The following CSRP3 variants were observed in gnomAD, a reference collection of about 807,000 sequenced individuals.
The protein encoded by CSRP3 is cysteine and glycine-rich protein 3.
A neutral mutation model predicts 24.3 loss-of-function variants in CSRP3; 24 were observed. The observed-to-expected ratio is 0.99, with a 90% CI of 0.71 to 1.39. CSRP3 has a LOEUF of 1.39. CSRP3 is among the 40% of genes most tolerant of loss of function. The pLI, the probability that CSRP3 is intolerant of heterozygous loss-of-function variation, is 0.00. For missense variants in CSRP3, 240 were observed against 249.0 expected (o/e 0.96, Z 0.24); for synonymous variants, 105 against 94.0 (o/e 1.12, Z -0.68).
chr11:19,194,195 A>C (rs1454609592), intron 1 of CSRP3, among the ~76,000 whole-genome samples: 1 of 152,212 alleles, frequency 6.6e-6, no homozygotes, highest in Non-Finnish European at 1.5e-5. Context: ...TAAGAAACAG[A>C]AAGTAAATAG....
At chr11:19,194,007 C>G (rs1014540041) in intron 1 of CSRP3, among the ~76,000 whole-genome samples, 1 of 152,106 alleles carries the variant, frequency 6.6e-6, no homozygotes, top group Non-Finnish European at 1.5e-5. Flanking sequence ...TCTAAGAAGC[C>G]TAGTGTGTCA....
intron 1 of CSRP3, among the ~76,000 whole-genome samples, 161 bp from the exon 2 acceptor site, chr11:19,192,637 A>G (rs1565053266): frequency 6.6e-6 from 1 of 152,202 alleles, no homozygotes; most frequent in African/African-American, 2.4e-5. Flanking sequence ...TAGTCATTAA[A>G]TAAGCTCAGA....
rs1850499990 is a variant in CSRP3, at chr11:19,184,933, A to G, written c.508+19T>C. The G allele has an allele frequency of 1.3e-6, 2 of 1,576,216 alleles. No homozygotes were observed. Among genetic ancestry groups the G allele is most frequent in the East Asian group, 4.5e-5 (2 of 44,726 alleles). ...TTTTAGGGAAAACATATTTCAAGAAAGTCTCCAGAATCACTCACCTTTGCA... is the reference window on the plus strand; with the variant it reads ...TTTTAGGGAAAACATATTTCAAGAAGGTCTCCAGAATCACTCACCTTTGCA... On this transcript the variant is annotated intron_variant, in intron 5 of 5. Transcript: ENST00000265968.
chr11:19,190,992 T>C (rs1257786294), intron 2 of CSRP3, among the ~76,000 whole-genome samples: 1 of 152,214 alleles, frequency 6.6e-6, no homozygotes, highest in African/African-American at 2.4e-5. Flanking sequence ...AAAGCTTCCC[T>C]ACAATTTCCT....
chr11:19,197,529 TTC>T (rs1278115986), intron 1 of CSRP3, among the ~76,000 whole-genome samples: 1 of 131,222 alleles, frequency 7.6e-6, no homozygotes, highest in South Asian at 2.9e-4. Context: ...CTTTCTTTCT[TTC>T]TTTCTTTCTT....
At position 19,188,269 on chromosome 11, in the gene CSRP3, C is replaced by T. The variant is rs145300736; in HGVS notation, c.148G>A (p.Ala50Thr). ...CRKALDSTTVAAHESEIYCKV... is the reference protein window; with the variant it reads ...CRKALDSTTVTAHESEIYCKV... ...CAGTAGATCTCCGACTCATGAGCCG[C>T]GACTGTCGTGCTGTCAAGAGCCTTC... The change falls in exon 3 of 6, where the codon GCG becomes ACG. Residue 50 changes from alanine to threonine, a missense_variant. By Grantham distance (58) the Ala-to-Thr change is moderately conservative. Coordinates refer to ENST00000265968, the MANE Select transcript of CSRP3 (RefSeq NM_003476.5). The T allele has an allele frequency of 4.5e-5, 72 of 1,612,654 alleles. No individual in the cohort carries two copies. The highest frequency in any genetic ancestry group is 8.9e-5 in the East Asian group (4 of 44,884).
At chr11:19,188,026 A>G in intron 3 of CSRP3, 110 bp downstream of exon 3, 1 of 1,302,156 alleles carries the variant, frequency 7.7e-7, no homozygotes, top group Non-Finnish European at 1.1e-6. Flanking sequence ...TGGCAAGTCA[A>G]CAATAGAGTC....
At position 19,188,152 on chromosome 11, in the gene CSRP3, C is replaced by G; in HGVS notation, c.265G>C (p.Gly89Arg). Reference protein sequence around the residue: ...CLSTDTGEHLGLQFQQSPKPA... With the variant: ...CLSTDTGEHLRLQFQQSPKPA... ...GTAACTCACTGTTGGAACTGCAGGC[C>G]GAGATGCTCGCCCGTGTCTGTGCTG... Residue 89 changes from glycine to arginine, a missense_variant, in exon 3 of 6, where the codon GGC becomes CGC. Transcript: ENST00000265968. The G allele has an allele frequency of 6.2e-7, 1 of 1,614,120 alleles. No homozygotes were observed. The highest frequency in any genetic ancestry group is 8.5e-7 in the Non-Finnish European group (1 of 1,180,028).
intron 1 of CSRP3, among the ~76,000 whole-genome samples, chr11:19,193,928 T>C (rs1850655565): frequency 6.6e-6 from 1 of 152,248 alleles, no homozygotes; most frequent in African/African-American, 2.4e-5. Flanking sequence ...AATAAGCCAT[T>C]GATGTTAAAT....
At chr11:19,188,110 C>G (rs749831483) in intron 3 of CSRP3, 26 bp downstream of exon 3, 1 of 1,614,088 alleles carries the variant, frequency 6.2e-7, no homozygotes, top group Non-Finnish European at 8.5e-7. Context: ...CTTTAACAGG[C>G]AAGGGGGAGC....
intron 1 of CSRP3, among the ~76,000 whole-genome samples, chr11:19,196,438 A>T (rs1028842211): frequency 2.0e-5 from 3 of 152,176 alleles, no homozygotes; most frequent in Non-Finnish European, 4.4e-5. Flanking sequence ...ATTTTTTCCC[A>T]CTTCACTTTA....
Position 19,182,454 on chromosome 11 carries a change from A to T in CSRP3, c.*216T>A. The T allele has an allele frequency of 1.7e-6, 1 of 602,578 alleles. No individual in the cohort carries two copies. The highest frequency in any genetic ancestry group is 2.0e-5 in the South Asian group (1 of 49,296). The allele number at this position is 602,578 out of a possible 1,614,324, so 37.3% of individuals were successfully genotyped here. ...ATTTATTGCCTCTCCCATTCCAAGC[A>T]TTATAAATAATAAAGCATTTGTTAT... On this transcript the variant is annotated 3_prime_UTR_variant, in exon 6 of 6. Transcript: ENST00000265968.
At chr11:19,201,197 G>A (rs563467362) in intron 1 of CSRP3, among the ~76,000 whole-genome samples, 2 of 152,294 alleles carry the variant, frequency 1.3e-5, no homozygotes, top group South Asian at 4.1e-4. Context: ...CCTAACCACT[G>A]GATAAATTAT....
chr11:19,187,942 G>A (rs1220033443), intron 3 of CSRP3, among the ~76,000 whole-genome samples, 194 bp downstream of exon 3: 1 of 152,170 alleles, frequency 6.6e-6, no homozygotes, highest in Non-Finnish European at 1.5e-5. Flanking sequence ...CTTTAGAATG[G>A]CAAATAATTT....
intron 1 of CSRP3, among the ~76,000 whole-genome samples, chr11:19,198,648 A>G (rs767076732): frequency 6.6e-6 from 1 of 152,196 alleles, no homozygotes; most frequent in African/African-American, 2.4e-5. Flanking sequence ...AAGCTGCCCA[A>G]TGGGGTGCCC....
intron 1 of CSRP3, among the ~76,000 whole-genome samples, chr11:19,197,563 C>CTTTCTTTCTTTCTTTCTT (rs1554968725): frequency 2.0e-4 from 25 of 124,896 alleles, no homozygotes; most frequent in South Asian, 1.9e-3. Flanking sequence ...TTCTTTCTTT[C>CTTTCTTTCTTTCTTTCTT]TTTCTTTCTT....
At chr11:19,192,570 C>A in intron 1 of CSRP3, 94 bp from the exon 2 acceptor site, 1 of 779,904 alleles carries the variant, frequency 1.3e-6, no homozygotes, top group Non-Finnish European at 2.2e-6. Context: ...AGGATCCAGC[C>A]CAATTTTTTT....
At chr11:19,194,892 A>T in intron 1 of CSRP3, among the ~76,000 whole-genome samples, 1 of 152,142 alleles carries the variant, frequency 6.6e-6, no homozygotes. Context: ...GTACTCAGTG[A>T]CAAAAGGGGG....
In CSRP3 at chr11:19,186,292, T is replaced by G. The variant is rs1181876627; in HGVS notation, c.338A>C (p.Lys113Thr). 1 of 1,614,194 alleles carries G rather than the reference T, an allele frequency of 6.2e-7. No homozygotes were observed. The highest frequency in any genetic ancestry group is 1.3e-5 in the African/African-American group (1 of 75,056). Residue 113 changes from lysine to threonine, a missense_variant, in exon 4 of 6, where the codon AAG (lysine) becomes ACG (threonine). Lys to Thr is a moderately conservative substitution (Grantham distance 78). Transcript: ENST00000265968. The part of the protein sequence containing the change: ...TTSNPSKFTA[K>T]FGESEKCPRC... ...AGGGCACTTCTCGGACTCTCCAAAC[T>G]TCGCAGTGAATTTGGAAGGGTTGCT...
Sources: gnomAD v4.1 joint callset for allele counts (sites outside exome capture counted in the v4.1 genomes callset) on GRCh38, gnomAD v4.1.1 for gene constraint, MANE v1.5 for transcripts, NCBI Gene and HGNC (gene_info 2026-07-23, HGNC 2026-07-21) for gene names.